The following AGBL4 variants were observed in gnomAD, a reference collection of about 807,000 sequenced individuals.
AGBL4 encodes AGBL carboxypeptidase 4, also known as cytosolic carboxypeptidase 6.
Under a neutral mutation model 66.4 loss-of-function variants are expected in AGBL4, and 58 were observed. That is an observed-to-expected ratio of 0.87 (90% CI 0.71 to 1.09). The LOEUF is 1.09. Ranked by LOEUF, AGBL4 falls within the 50% of genes least tolerant of loss-of-function variation. AGBL4 has a pLI of 0.00. For synonymous variants in AGBL4, 234 were observed against 222.9 expected, an observed-to-expected ratio of 1.05 and a Z score of -0.44; for missense variants, 579 against 631.0, an observed-to-expected ratio of 0.92 and a Z score of 0.88.
chr1:48,872,979 G>C (rs1462408412), intron 5 of AGBL4, among the ~76,000 whole-genome samples: 1 of 152,164 alleles, frequency 6.6e-6, no homozygotes, highest in Non-Finnish European at 1.5e-5. Context: ...TGTCACCTCA[G>C]GCTGAGCCTT....
Position 49,638,093 on chromosome 1 carries a change from C to A in AGBL4, c.282+59220G>T, listed in dbSNP as rs1395147417. Among the ~76,000 whole-genome samples, 3 of 152,128 alleles carry A rather than the reference C, an allele frequency of 2.0e-5. No individual in the cohort carries two copies. In the East Asian group the frequency reaches 5.8e-4, roughly 29 times the overall value. On this transcript the variant is annotated intron_variant, in intron 3 of 13. Transcript: ENST00000371839. Reference sequence around the variant, plus strand: ...TTCTTAGTTTAAATTGGTTATTGAACCAAAAATCACTTTAAAAAGCAGAGT... The same window carrying A: ...TTCTTAGTTTAAATTGGTTATTGAAACAAAAATCACTTTAAAAAGCAGAGT...
At position 49,712,780 on chromosome 1, in the gene AGBL4, C is replaced by A. The variant is rs371916107; in HGVS notation, c.158-15343G>T. On this transcript the variant is annotated intron_variant, in intron 2 of 13. Transcript: ENST00000371839. ...AGACCACTTGGATTGAATCTCAGCT[C>A]TACCACTTAGTATCTGGGTTATCTT... Among the ~76,000 whole-genome samples, 49 of 152,046 alleles carry A rather than the reference C, an allele frequency of 3.2e-4. 1 individual carries two copies. In the South Asian group the frequency reaches 9.3e-3, roughly 29 times the overall value.
intron 11 of AGBL4, among the ~76,000 whole-genome samples, chr1:48,560,651 A>G (rs920573726): frequency 6.6e-6 from 1 of 152,220 alleles, no homozygotes; most frequent in Non-Finnish European, 1.5e-5. Context: ...GCCTACAGTC[A>G]GTCCCAGCTT....
rs1383210983 is a variant in AGBL4 at position 49,288,749 on chromosome 1, G to C, written c.283-42885C>G. Among the ~76,000 whole-genome samples, 4 of 152,188 alleles carry C rather than the reference G, an allele frequency of 2.6e-5. No homozygotes were observed. The East Asian group carries it at 7.7e-4, about 29-fold the overall frequency. On this transcript the variant is annotated intron_variant, in intron 3 of 13. Coordinates refer to ENST00000371839, the MANE Select transcript of AGBL4 (RefSeq NM_032785.4). The stretch of plus-strand genomic sequence containing the variant: ...TACCCAATACTGTTTGAGATGCCAA[G>C]GGACTGTGCACTTGAGATGAAGGGC...
intron 3 of AGBL4, among the ~76,000 whole-genome samples, chr1:49,267,724 A>G (rs1423926993): frequency 1.3e-5 from 2 of 152,138 alleles, no homozygotes; most frequent in Admixed American, 1.3e-4. Context: ...ATAAAGAAAA[A>G]GAGGTTTAAT....
At chr1:49,611,288 G>C (rs1645149731) in intron 3 of AGBL4, among the ~76,000 whole-genome samples, 1 of 151,850 alleles carries the variant, frequency 6.6e-6, no homozygotes, top group Non-Finnish European at 1.5e-5. Context: ...AGGTGGAAAA[G>C]AGAGAAGAAT....
At chr1:49,202,719 A>T (rs1273159309) in intron 4 of AGBL4, among the ~76,000 whole-genome samples, 1 of 152,286 alleles carries the variant, frequency 6.6e-6, no homozygotes, top group Non-Finnish European at 1.5e-5. Flanking sequence ...CTTGGATATG[A>T]CATCAAAAGC....
At chr1:49,215,685 G>T (rs1456957126) in intron 4 of AGBL4, among the ~76,000 whole-genome samples, 1 of 151,982 alleles carries the variant, frequency 6.6e-6, no homozygotes, top group Non-Finnish European at 1.5e-5. Context: ...GCACAAGTCT[G>T]GACACAATAT....
intron 5 of AGBL4, among the ~76,000 whole-genome samples, chr1:48,962,408 G>C (rs1186904759): frequency 6.6e-6 from 1 of 152,172 alleles, no homozygotes; most frequent in Non-Finnish European, 1.5e-5. Context: ...AAATGGAAGA[G>C]CTGGCATTGG....
intron 3 of AGBL4, among the ~76,000 whole-genome samples, chr1:49,601,624 T>C (rs527353635): frequency 2.0e-5 from 3 of 152,266 alleles, no homozygotes; most frequent in East Asian, 1.9e-4. Context: ...ATTTAATAAA[T>C]GGTGTTGGGA....
chr1:48,862,943 C>A (rs1377976548), intron 6 of AGBL4, among the ~76,000 whole-genome samples: 3 of 152,098 alleles, frequency 2.0e-5, no homozygotes, highest in Non-Finnish European at 4.4e-5. Flanking sequence ...CATGGACTCT[C>A]ACTAAAATAG....
At chr1:48,643,192 A>G (rs1570108280) in intron 8 of AGBL4, among the ~76,000 whole-genome samples, 1 of 152,258 alleles carries the variant, frequency 6.6e-6, no homozygotes, top group East Asian at 1.9e-4. Context: ...CACTTCTTAC[A>G]CTATGTTGTC....
At chr1:49,040,510 T>C (rs921040769) in intron 5 of AGBL4, among the ~76,000 whole-genome samples, 9 of 152,102 alleles carry the variant, frequency 5.9e-5, no homozygotes, top group Admixed American at 2.0e-4. Context: ...TGAATGATCA[T>C]AGCAGCATTA....
chr1:49,761,475 G>A lies in AGBL4; in HGVS notation c.158-64038C>T, dbSNP rs960407492. Among the ~76,000 whole-genome samples, 8 of 152,254 alleles carry A rather than the reference G, an allele frequency of 5.3e-5. 1 individual carries two copies. The South Asian group carries it at 1.7e-3, about 32-fold the overall frequency. ...AGGAACTGTATTACATACAGCCCTG[G>A]CTCTGGCCACCACCTAGCTTTGAGA... On this transcript the variant is annotated intron_variant, in intron 2 of 13. Coordinates refer to ENST00000371839, the MANE Select transcript of AGBL4 (RefSeq NM_032785.4).
intron 6 of AGBL4, 111 bp downstream of exon 6, chr1:48,867,080 C>G: frequency 8.4e-7 from 1 of 1,191,278 alleles, no homozygotes; most frequent in Admixed American, 2.0e-5. Flanking sequence ...AGAGTTCTGC[C>G]GTTCATTCAG....
chr1:49,377,142 T>C (rs746754094), intron 3 of AGBL4, among the ~76,000 whole-genome samples: 44 of 152,156 alleles, frequency 2.9e-4, no homozygotes, highest in South Asian at 2.1e-3. Context: ...ATAAAACAGT[T>C]AAATATCATA....
chr1:48,975,865 C>G (rs1226087425), intron 5 of AGBL4, among the ~76,000 whole-genome samples: 3 of 152,114 alleles, frequency 2.0e-5, no homozygotes, highest in Non-Finnish European at 4.4e-5. Flanking sequence ...ACGCTGGTAT[C>G]AATCAGAAGT....
rs559889451 is a variant in AGBL4 at position 48,564,771 on chromosome 1, C to A, written c.1267+22233G>T. Reference sequence around the variant, plus strand: ...CAAACTCAAAACTCAACCAACCAACCAACCAACTCACCAGACAACAAAACA... The same window carrying A: ...CAAACTCAAAACTCAACCAACCAACAAACCAACTCACCAGACAACAAAACA... On this transcript the variant is annotated intron_variant, in intron 11 of 13. Coordinates refer to ENST00000371839, the MANE Select transcript of AGBL4 (RefSeq NM_032785.4). Among the ~76,000 whole-genome samples the A allele has an allele frequency of 4.6e-5, 7 of 152,322 alleles. No individual in the cohort carries two copies. In the South Asian group the frequency reaches 1.4e-3, roughly 32 times the overall value.
chr1:49,456,552 G>A (rs1646393240), intron 3 of AGBL4, among the ~76,000 whole-genome samples: 1 of 151,436 alleles, frequency 6.6e-6, no homozygotes, highest in Non-Finnish European at 1.5e-5. Flanking sequence ...TATTTTTCCT[G>A]TGTGAGGCAA....
Sources: gnomAD v4.1 joint callset for allele counts (sites outside exome capture counted in the v4.1 genomes callset) on GRCh38, gnomAD v4.1.1 for gene constraint, MANE v1.5 for transcripts, NCBI Gene and HGNC (gene_info 2026-07-23, HGNC 2026-07-21) for gene names.